Variants in PDGFD observed in about 807,000 individuals in gnomAD.
PDGFD encodes platelet derived growth factor D.
Under a neutral mutation model 44.7 loss-of-function variants are expected in PDGFD, and 30 were observed. The ratio of observed to expected loss-of-function variants is 0.67; its 90% CI spans 0.50 to 0.91. PDGFD has a LOEUF of 0.91. PDGFD is among the 40% of genes least tolerant of loss of function. The pLI is 0.00. For synonymous variants in PDGFD, 173 were observed against 168.4 expected (o/e 1.03, Z -0.21); for missense variants, 445 against 457.8 (o/e 0.97, Z 0.25).
intron 3 of PDGFD, among the ~76,000 whole-genome samples, chr11:103,989,641 T>C (rs1382548956): frequency 2.0e-5 from 3 of 151,920 alleles, no homozygotes; most frequent in African/African-American, 7.3e-5. Flanking sequence ...CATAAGCAAA[T>C]GGTAATGGGT....
intron 1 of PDGFD, among the ~76,000 whole-genome samples, chr11:104,088,892 T>C (rs1305235492): frequency 1.3e-5 from 2 of 150,084 alleles, no homozygotes; most frequent in East Asian, 3.9e-4. Context: ...CATTAGCTCC[T>C]CCACATAAGC....
intron 1 of PDGFD, among the ~76,000 whole-genome samples, chr11:104,113,049 C>T (rs1314142388): frequency 6.6e-6 from 1 of 151,982 alleles, no homozygotes; most frequent in Non-Finnish European, 1.5e-5. Context: ...AAGAATAAGA[C>T]CTACAATACC....
intron 2 of PDGFD, among the ~76,000 whole-genome samples, chr11:103,999,056 C>A (rs1188711775): frequency 1.3e-5 from 2 of 152,138 alleles, no homozygotes; most frequent in African/African-American, 2.4e-5. Flanking sequence ...TATTAACTGG[C>A]TCTTCCTTAA....
At chr11:104,033,049 G>GGTGTGTGTGT (rs34144830) in intron 1 of PDGFD, among the ~76,000 whole-genome samples, 18 of 146,272 alleles carry the variant, frequency 1.2e-4, no homozygotes, top group African/African-American at 3.0e-4. Flanking sequence ...TATGTTTAGG[G>GGTGTGTGTGT]GTGTGTGTGT....
At chr11:103,968,037 C>T (rs1463860533) in intron 3 of PDGFD, among the ~76,000 whole-genome samples, 1 of 152,154 alleles carries the variant, frequency 6.6e-6, no homozygotes, top group African/African-American at 2.4e-5. Flanking sequence ...CCAAAGCCAA[C>T]GCAACTTCTA....
chr11:103,976,078 G>A (rs1377733962), intron 3 of PDGFD, among the ~76,000 whole-genome samples: 4 of 151,884 alleles, frequency 2.6e-5, no homozygotes, highest in African/African-American at 7.3e-5. Context: ...GTTATAAATT[G>A]CTTTGGGCAT....
intron 2 of PDGFD, among the ~76,000 whole-genome samples, chr11:103,999,260 A>G (rs1038357571): frequency 2.6e-5 from 4 of 152,178 alleles, no homozygotes; most frequent in Non-Finnish European, 4.4e-5. Flanking sequence ...AGGATTTAGC[A>G]GTTCAGTAGT....
chr11:103,994,519 T>C (rs1299855223), intron 3 of PDGFD, among the ~76,000 whole-genome samples: 1 of 152,242 alleles, frequency 6.6e-6, no homozygotes, highest in Non-Finnish European at 1.5e-5. Context: ...AATGTTCTGA[T>C]GTAGAATTCA....
In PDGFD at chr11:104,146,653, G is replaced by C. The variant is rs533008876; in HGVS notation, c.124+17151C>G. ...TTGAAAGGGGCCAATCAAGGGGATG[G>C]GCCTGAAGCGTAAGCCTCATTAGCA... On this transcript the variant is annotated intron_variant, in intron 1 of 6. Coordinates refer to ENST00000393158, the MANE Select transcript of PDGFD (RefSeq NM_025208.5). 3.2e-4 allele frequency among the ~76,000 whole-genome samples: 49 copies of C among 152,204 alleles called. 1 individual carries two copies. Among genetic ancestry groups the C allele is most frequent in the Non-Finnish European group, 6.8e-4 (46 of 68,002 alleles).
At chr11:103,968,117 C>T (rs901203529) in intron 3 of PDGFD, among the ~76,000 whole-genome samples, 2 of 152,150 alleles carry the variant, frequency 1.3e-5, no homozygotes, top group Non-Finnish European at 2.9e-5. Context: ...GCCCCTCTCC[C>T]TTGGCTTCTG....
intron 1 of PDGFD, among the ~76,000 whole-genome samples, chr11:104,110,686 C>T (rs1368954193): frequency 1.3e-5 from 2 of 152,086 alleles, no homozygotes; most frequent in East Asian, 1.9e-4. Context: ...TGTCTTTTCT[C>T]CAATCCCCTT....
At chr11:104,057,925 A>C (rs1591142807) in intron 1 of PDGFD, among the ~76,000 whole-genome samples, 1 of 152,206 alleles carries the variant, frequency 6.6e-6, no homozygotes, top group Non-Finnish European at 1.5e-5. Context: ...CGGAAAGATT[A>C]GTTTTCAATA....
chr11:104,112,546 C>T (rs1341030489), intron 1 of PDGFD, among the ~76,000 whole-genome samples: 2 of 152,020 alleles, frequency 1.3e-5, no homozygotes, highest in African/African-American at 4.8e-5. Context: ...AATATAGATT[C>T]TTCTGTTATA....
chr11:103,910,107 TC>T (rs1235713444), intron 6 of PDGFD, among the ~76,000 whole-genome samples: 1 of 152,068 alleles, frequency 6.6e-6, no homozygotes, highest in Non-Finnish European at 1.5e-5. Flanking sequence ...TTAATAGCTT[TC>T]TAAGGGCCTG....
At chr11:104,077,207 G>A (rs1028431329) in intron 1 of PDGFD, among the ~76,000 whole-genome samples, 1 of 152,126 alleles carries the variant, frequency 6.6e-6, no homozygotes, top group Admixed American at 6.5e-5. Context: ...AAAGACAAGG[G>A]TAGATCTCAA....
intron 1 of PDGFD, among the ~76,000 whole-genome samples, chr11:104,111,001 T>C (rs941154762): frequency 6.6e-6 from 1 of 151,534 alleles, no homozygotes; most frequent in African/African-American, 2.4e-5. Context: ...ATATTGCTTT[T>C]GTTTATTGAG....
chr11:104,129,827 G>A (rs1165296355), intron 1 of PDGFD, among the ~76,000 whole-genome samples: 1 of 151,912 alleles, frequency 6.6e-6, no homozygotes, highest in Non-Finnish European at 1.5e-5. Context: ...TGGCCAACAT[G>A]GTGAAACCGT....
At chr11:103,930,112 C>CA (rs1469943664) in intron 5 of PDGFD, among the ~76,000 whole-genome samples, 2 of 152,158 alleles carry the variant, frequency 1.3e-5, no homozygotes, top group African/African-American at 4.8e-5. Flanking sequence ...TTTGCTTTAT[C>CA]AAAGCTCTTT....
chr11:104,028,996 T>C (rs899247492), intron 1 of PDGFD, among the ~76,000 whole-genome samples: 2 of 152,194 alleles, frequency 1.3e-5, no homozygotes, highest in Admixed American at 6.5e-5. Flanking sequence ...CAACGACTTC[T>C]GTGAATAAGC....
Sources: gnomAD v4.1 joint callset for allele counts (sites outside exome capture counted in the v4.1 genomes callset) on GRCh38, gnomAD v4.1.1 for gene constraint, MANE v1.5 for transcripts, NCBI Gene and HGNC (gene_info 2026-07-23, HGNC 2026-07-21) for gene names.